COL14A1: variants seen among roughly 807,000 people sequenced by gnomAD.
The protein encoded by COL14A1 is collagen type XIV alpha 1 chain, also known as collagen alpha-1(XIV) chain.
Under a neutral mutation model 230.3 loss-of-function variants are expected in COL14A1, and 136 were observed. The observed-to-expected ratio is 0.59, with a 90% confidence interval of 0.51 to 0.68. COL14A1 has a LOEUF of 0.68. Among genes scored for constraint, COL14A1 ranks in the 30% least tolerant of loss-of-function variants. The pLI, the probability that COL14A1 is intolerant of heterozygous loss-of-function variation, is 0.00. For missense variants in COL14A1, 1,976 were observed against 2,215.8 expected (o/e 0.89, Z 2.17); for synonymous variants, 792 against 784.1 (o/e 1.01, Z -0.17).
chr8:120,130,372 T>C (rs141958815), intron 1 of COL14A1, among the ~76,000 whole-genome samples: 1 of 152,236 alleles, frequency 6.6e-6, no homozygotes, highest in East Asian at 1.9e-4. Context: ...GTATCCTTTC[T>C]GCCTTTATAC....
At position 120,250,623 on chromosome 8, in the gene COL14A1, G is replaced by T; in HGVS notation, c.2609G>T (p.Gly870Val). 2.5e-6 allele frequency: 4 copies of T among 1,613,980 alleles called. No individual in the cohort carries two copies. Among genetic ancestry groups the T allele is most frequent in the Non-Finnish European group, 3.4e-6 (4 of 1,179,976 alleles). Residue 870 changes from glycine (G) to valine (V), a missense_variant, in exon 22 of 48, where the codon GGT (glycine) becomes GTT (valine). By Grantham distance (109) the Gly-to-Val change is moderately radical (BLOSUM62 -3). Transcript: ENST00000297848. ...RIVYKPVSVP[G>V]PTLETFVGAD... ...TATCCTCTTTCTTCTTTAGTTCCTG[G>T]TCCAACACTGGAAACGTTTGTGGGA...
chr8:120,297,205 G>GT (rs1484871171), intron 34 of COL14A1, among the ~76,000 whole-genome samples: 1 of 151,922 alleles, frequency 6.6e-6, no homozygotes, highest in African/African-American at 2.4e-5. Context: ...GGGAGCAGCT[G>GT]TGATGGGCTT....
intron 19 of COL14A1, among the ~76,000 whole-genome samples, chr8:120,236,944 C>G (rs189583663): frequency 6.6e-6 from 1 of 152,266 alleles, no homozygotes. Flanking sequence ...TGAATGTTGG[C>G]CCCCACGCTC....
In COL14A1 at chr8:120,289,693, A is replaced by G. The variant is rs569939913; in HGVS notation, c.4163A>G (p.Asn1388Ser). The stretch of plus-strand genomic sequence containing the variant: ...GAGAAGGCAATGAACGCATCAGCTA[A>G]TATCACGTCAGATGGTGTAGAAGTG... Reference protein sequence around the residue: ...VGEKAMNASANITSDGVEVLG... With the variant: ...VGEKAMNASASITSDGVEVLG... Residue 1388 changes from asparagine to serine, a missense_variant, in exon 34 of 48, where the codon AAT (asparagine) becomes AGT (serine). Physicochemically the swap from Asn to Ser is conservative, Grantham distance 46 (BLOSUM62 1). Transcript: ENST00000297848. 4.3e-6 allele frequency: 7 copies of G among 1,614,116 alleles called. No individual in the cohort carries two copies. Among genetic ancestry groups the G allele is most frequent in the African/African-American group, 4.0e-5 (3 of 75,054 alleles).
At chr8:120,329,922 T>G (rs73706434) in intron 40 of COL14A1, among the ~76,000 whole-genome samples, 3,196 of 151,194 alleles carry the variant, frequency 0.021, 109 homozygotes, top group African/African-American at 0.072. Context: ...GGAGTGGGGG[T>G]TAGGGGGTCT....
chr8:120,359,062 A>G (rs888941599), intron 45 of COL14A1, among the ~76,000 whole-genome samples: 3 of 151,046 alleles, frequency 2.0e-5, no homozygotes, highest in African/African-American at 7.3e-5. Context: ...GGATGTGTTT[A>G]TCGTTTTTTT....
chr8:120,142,504 C>G (rs1311857758), intron 1 of COL14A1, among the ~76,000 whole-genome samples: 1 of 152,144 alleles, frequency 6.6e-6, no homozygotes, highest in African/African-American at 2.4e-5. Flanking sequence ...ATAAATTAAT[C>G]CAGGCTATAA....
intron 18 of COL14A1, among the ~76,000 whole-genome samples, chr8:120,229,098 T>TATTTTATTTTATTTC (rs1818183743): frequency 6.7e-6 from 1 of 148,802 alleles, no homozygotes; most frequent in Admixed American, 6.7e-5. Flanking sequence ...CTTTTTATTT[T>TATTTTATTTTATTTC]ATTTTATTTT....
rs185322885 is a variant in COL14A1, at chr8:120,370,968, C to T, written c.5312-184C>T. On this transcript the variant is annotated intron_variant, in intron 47 of 47. Coordinates refer to ENST00000297848, the MANE Select transcript of COL14A1 (RefSeq NM_021110.4). ...AACAATTTCTGTAATGTATCTTTCCCTTCGTCTATTTACTAACTGTCTGAA... is the reference window on the plus strand; with the variant it reads ...AACAATTTCTGTAATGTATCTTTCCTTTCGTCTATTTACTAACTGTCTGAA... The T allele has an allele frequency of 3.0e-5, 33 of 1,097,622 alleles. No individual in the cohort carries two copies. The East Asian group carries it at 7.8e-4, about 26-fold the overall frequency. 68.0% of individuals were successfully genotyped at this position (1,097,622 alleles called of 1,614,324 possible). A position where few individuals can be genotyped will look rare whatever the true frequency, so the allele number is the denominator to read the frequency against.
intron 8 of COL14A1, 140 bp downstream of exon 8, chr8:120,199,706 C>T: frequency 1.3e-6 from 1 of 780,654 alleles, no homozygotes; most frequent in Non-Finnish European, 2.0e-6. Context: ...ATAGGCAGCC[C>T]TGTGATCTGA....
At chr8:120,324,977 C>A (rs1031811022) in intron 40 of COL14A1, among the ~76,000 whole-genome samples, 1 of 151,750 alleles carries the variant, frequency 6.6e-6, no homozygotes, top group East Asian at 1.9e-4. Context: ...TGAAAAAAAG[C>A]ACATACATTT....
intron 45 of COL14A1, among the ~76,000 whole-genome samples, chr8:120,346,400 G>A (rs1376330538): frequency 6.6e-6 from 1 of 152,152 alleles, no homozygotes. Flanking sequence ...ACTCATCAGA[G>A]TATTTTCTAA....
At chr8:120,325,880 T>C (rs1158279856) in intron 40 of COL14A1, among the ~76,000 whole-genome samples, 2 of 152,288 alleles carry the variant, frequency 1.3e-5, no homozygotes, top group South Asian at 2.1e-4. Context: ...TTTATAGATA[T>C]AGAAAGGTTT....
intron 5 of COL14A1, among the ~76,000 whole-genome samples, chr8:120,189,331 A>G (rs1816742171): frequency 6.6e-6 from 1 of 152,150 alleles, no homozygotes; most frequent in Non-Finnish European, 1.5e-5. Flanking sequence ...AAGAAAAAAT[A>G]TTGTTTTTAC....
At chr8:120,204,981 C>T (rs754686009) in intron 9 of COL14A1, among the ~76,000 whole-genome samples, 4 of 152,060 alleles carry the variant, frequency 2.6e-5, no homozygotes, top group Non-Finnish European at 5.9e-5. Flanking sequence ...CCTCTCACAC[C>T]AACCTAGCTG....
At chr8:120,166,294 A>G (rs1050893581) in intron 4 of COL14A1, among the ~76,000 whole-genome samples, 2 of 152,178 alleles carry the variant, frequency 1.3e-5, no homozygotes, top group African/African-American at 4.8e-5. Flanking sequence ...AGGACTGGAA[A>G]CTGTGTCAAG....
At chr8:120,339,112 C>T (rs1358574058) in intron 42 of COL14A1, among the ~76,000 whole-genome samples, 1 of 152,148 alleles carries the variant, frequency 6.6e-6, no homozygotes, top group Non-Finnish European at 1.5e-5. Context: ...GCGTGTGCCA[C>T]CACAGGCACG....
chr8:120,180,917 G>C (rs1162838875), intron 5 of COL14A1, among the ~76,000 whole-genome samples: 1 of 152,082 alleles, frequency 6.6e-6, no homozygotes, highest in Admixed American at 6.5e-5. Flanking sequence ...ATGTTGGCCA[G>C]GCTGATCTCG....
At chr8:120,349,103 G>A (rs1223185120) in intron 45 of COL14A1, among the ~76,000 whole-genome samples, 1 of 152,176 alleles carries the variant, frequency 6.6e-6, no homozygotes, top group African/African-American at 2.4e-5. Context: ...GGCTAACTGG[G>A]AGGCACCCCC....
Sources: allele counts gnomAD v4.1 joint callset (sites outside exome capture counted in the v4.1 genomes callset), GRCh38; gene constraint gnomAD v4.1.1; transcripts MANE v1.5; gene names NCBI Gene and HGNC (gene_info 2026-07-23, HGNC 2026-07-21).